Variants in PKHD1L1 observed in about 807,000 individuals in gnomAD.
The protein encoded by PKHD1L1 is PKHD1 like 1.
PKHD1L1 carries 434 observed loss-of-function variants against 462.9 expected under a neutral mutation model. The ratio of observed to expected loss-of-function variants is 0.94; its 90% CI spans 0.87 to 1.02. PKHD1L1 has a LOEUF of 1.02. Ranked by LOEUF, PKHD1L1 falls within the 50% of genes least tolerant of loss-of-function variation. The pLI, the probability that PKHD1L1 is intolerant of heterozygous loss-of-function variation, is 0.00. For missense variants in PKHD1L1, 5,202 were observed against 5,096.1 expected (o/e 1.02, Z -0.63); for synonymous variants, 1,781 against 1,750.0 (o/e 1.02, Z -0.44).
rs898094512 is a variant in PKHD1L1 at position 109,439,059 on chromosome 8, T to C, written c.3923T>C (p.Val1308Ala). The C allele has an allele frequency of 6.2e-7, 1 of 1,613,270 alleles. No homozygotes were observed. The highest frequency in any genetic ancestry group is 8.5e-7 in the Non-Finnish European group (1 of 1,179,574). The change falls in exon 32 of 78, where the codon GTA becomes GCA. Residue 1308 changes from valine to alanine, a missense_variant. Around this residue, in one of 3 missense-constraint regions of PKHD1L1, gnomAD observed 4,497 missense variants for 4,336.8 expected, o/e 1.04. Transcript: ENST00000378402. ...KLSPGKHDIY[V>A]EVRNWGFAST... ...TCTCCTGGAAAACATGATATCTATGTAGAAGTCAGAAACTGGGGTTTTGCA... is the reference window on the plus strand; with the variant it reads ...TCTCCTGGAAAACATGATATCTATGCAGAAGTCAGAAACTGGGGTTTTGCA...
intron 54 of PKHD1L1, 47 bp from the exon 55 acceptor site, chr8:109,479,944 T>C (rs750464787): frequency 1.3e-6 from 2 of 1,482,622 alleles, no homozygotes; most frequent in East Asian, 2.5e-5. Flanking sequence ...TTGCTATAAG[T>C]TGTAGTTTAT....
At chr8:109,430,261 T>C (rs1330914964) in intron 27 of PKHD1L1, among the ~76,000 whole-genome samples, 1 of 152,230 alleles carries the variant, frequency 6.6e-6, no homozygotes, top group Non-Finnish European at 1.5e-5. Context: ...GCTGAAATCT[T>C]GCCTTTGAAG....
rs533345355 is a variant in PKHD1L1, at chr8:109,408,109, C to T, written c.1874C>T (p.Thr625Ile). The change falls in exon 18 of 78, where the codon ACA becomes ATA. Residue 625 changes from threonine (T) to isoleucine (I), a missense_variant. By Grantham distance (89) the Thr-to-Ile change is moderately conservative (BLOSUM62 -1). This residue lies in a region of PKHD1L1 where 4,497 missense variants were observed against 4,336.8 expected (regional missense o/e 1.04). Coordinates refer to ENST00000378402, the MANE Select transcript of PKHD1L1 (RefSeq NM_177531.6). ...VEGNNVTLDI[T>I]EQTKGKPNLE... ...GGGAATAATGTCACACTGGATATTA[C>T]AGAACAAACCAAAGGAAAACCCAAC... is the stretch of plus-strand genomic sequence containing the variant. 1 of 1,613,300 alleles carries T rather than the reference C, an allele frequency of 6.2e-7. No individual in the cohort carries two copies. Among genetic ancestry groups the T allele is most frequent in the South Asian group, 1.1e-5 (1 of 91,044 alleles).
Position 109,507,904 on chromosome 8 carries a change from G to A in PKHD1L1, c.11227+9G>A. 4 of 1,612,684 alleles carry A rather than the reference G, an allele frequency of 2.5e-6. No individual in the cohort carries two copies. Among genetic ancestry groups the A allele is most frequent in the Admixed American group, 1.7e-5 (1 of 59,890 alleles). On this transcript the variant is annotated intron_variant, in intron 69 of 77. Coordinates refer to ENST00000378402, the MANE Select transcript of PKHD1L1 (RefSeq NM_177531.6). ...GAAAGCACCTCATAAAGGTTTGTTG[G>A]ATCTTGCTTAATCTGTCATTAGGCC...
chr8:109,472,330 C>CT (rs1817763352), intron 50 of PKHD1L1, among the ~76,000 whole-genome samples: 2 of 152,020 alleles, frequency 1.3e-5, no homozygotes, highest in African/African-American at 4.8e-5. Flanking sequence ...TTTCAAATCT[C>CT]TAAGCTTTCT....
intron 49 of PKHD1L1, among the ~76,000 whole-genome samples, chr8:109,465,838 AT>A (rs994344626): frequency 2.0e-5 from 3 of 152,166 alleles, no homozygotes; most frequent in African/African-American, 7.2e-5. Flanking sequence ...TGTAGGTTAA[AT>A]TTTTTTAGCA....
rs1813465016 is a variant in PKHD1L1, at chr8:109,405,069, T to G, written c.1608T>G (p.Cys536Trp). ...AGAAGATCAAGGTAACCAGCCCATGTGTGGAAGCTAATTCATGTTCACTTT... is the reference window on the plus strand; with the variant it reads ...AGAAGATCAAGGTAACCAGCCCATGGGTGGAAGCTAATTCATGTTCACTTT... ...EVQKIKVTSP[C>W]VEANSCSLYQ... The change falls in exon 16 of 78, where the codon TGT becomes TGG. Residue 536 changes from cysteine (C) to tryptophan (W), a missense_variant. Coordinates refer to ENST00000378402, the MANE Select transcript of PKHD1L1 (RefSeq NM_177531.6). The G allele has an allele frequency of 1.3e-6, 2 of 1,526,218 alleles. No individual in the cohort carries two copies. The highest frequency in any genetic ancestry group is 1.4e-5 in the African/African-American group (1 of 72,444). The allele number at this position is 1,526,218 out of a possible 1,614,324, so 94.5% of individuals were successfully genotyped here.
chr8:109,394,582 T>C (rs1812876111), intron 10 of PKHD1L1, 97 bp downstream of exon 10: 1 of 738,454 alleles, frequency 1.4e-6, no homozygotes. Context: ...AGGTGTATTA[T>C]ATTATTTGAT....
chr8:109,433,643 A>T (rs915818336), intron 28 of PKHD1L1, among the ~76,000 whole-genome samples: 1 of 152,162 alleles, frequency 6.6e-6, no homozygotes, highest in Non-Finnish European at 1.5e-5. Flanking sequence ...ACCTCTCTCC[A>T]TTAATGTAGA....
chr8:109,415,010 A>T (rs965875318), intron 21 of PKHD1L1, among the ~76,000 whole-genome samples: 111 of 117,358 alleles, frequency 9.5e-4, no homozygotes, highest in African/African-American at 2.4e-3. Context: ...TATTATTATT[A>T]TTTTTGAGAC....
At chr8:109,523,457 A>G in intron 76 of PKHD1L1, 71 bp downstream of exon 76, 2 of 1,402,100 alleles carry the variant, frequency 1.4e-6, no homozygotes, top group East Asian at 4.6e-5. Context: ...CTTTTAATGA[A>G]CAAAGCATTC....
In PKHD1L1 at chr8:109,450,992, G is replaced by T. The variant is rs368757204; in HGVS notation, c.6193G>T (p.Ala2065Ser). 5.8e-5 allele frequency: 93 copies of T among 1,610,304 alleles called. 1 individual carries two copies. The African/African-American group carries it at 1.2e-3, about 21-fold the overall frequency. Residue 2065 changes from alanine to serine, a missense_variant, in exon 41 of 78, where the codon GCC becomes TCC. Ala to Ser is a moderately conservative substitution (Grantham distance 99, BLOSUM62 1). Transcript: ENST00000378402. The part of the protein sequence containing the change: ...PSNNGTGAEQ[A>S]CEVSVVNGKD... ...TTTCATAGGCACGGGAGCTGAGCAAGCCTGTGAAGTGAGTGTGGTTAATGG... is the reference window on the plus strand; with the variant it reads ...TTTCATAGGCACGGGAGCTGAGCAATCCTGTGAAGTGAGTGTGGTTAATGG...
In PKHD1L1 at chr8:109,400,272, T is replaced by A; in HGVS notation, c.1209T>A (p.Val403=). ...SGFLVAPDSD[V]YRFYIKGDDR... is the part of the protein sequence containing the mutation. The stretch of plus-strand genomic sequence containing the variant: ...TTTTGGTGGCTCCAGATTCTGATGT[T>A]TATAGATTCTACATCAAGGGTGATG... Residue 403 remains valine, a synonymous_variant, in exon 13 of 78, where the codon GTT becomes GTA. Coordinates refer to ENST00000378402, the MANE Select transcript of PKHD1L1 (RefSeq NM_177531.6). 6.2e-7 allele frequency: 1 copy of A among 1,613,604 alleles called. No homozygotes were observed.
chr8:109,380,479 C>A (rs1269614944), intron 2 of PKHD1L1, among the ~76,000 whole-genome samples: 1 of 152,164 alleles, frequency 6.6e-6, no homozygotes, highest in Non-Finnish European at 1.5e-5. Context: ...AACACCATGT[C>A]TTTGTCAGTT....
Position 109,466,574 on chromosome 8 carries a change from C to T in PKHD1L1, c.8414-4C>T. 6.4e-7 allele frequency: 1 copy of T among 1,563,896 alleles called. No homozygotes were observed. Among genetic ancestry groups the T allele is most frequent in the East Asian group, 2.3e-5 (1 of 43,704 alleles). ...AAAACATATTTTGTTTGTTTGTTTC[C>T]CAGGGCACAAAGGACATACCGTCAT... On this transcript the variant is annotated splice_region_variant and splice_polypyrimidine_tract_variant and intron_variant, in intron 49 of 77. Transcript: ENST00000378402.
In PKHD1L1 at chr8:109,491,873, G is replaced by A. The variant is rs768761759; in HGVS notation, c.10115G>A (p.Gly3372Asp). 11 of 1,592,966 alleles carry A rather than the reference G, an allele frequency of 6.9e-6. No individual in the cohort carries two copies. In the African/African-American group the frequency reaches 1.5e-4, roughly 21 times the overall value. The change falls in exon 62 of 78, where the codon GGC becomes GAC. Residue 3372 changes from glycine (G) to aspartate (D), a missense_variant and splice_region_variant. By Grantham distance (94) the Gly-to-Asp change is moderately conservative. Around this residue, in one of 3 missense-constraint regions of PKHD1L1, gnomAD observed 4,497 missense variants for 4,336.8 expected, o/e 1.04. Transcript: ENST00000378402. ...DNIIHFTVGE[G>D]IRIWGNANRV... Reference sequence around the variant, plus strand: ...TTTCTTTTTTTCTTTTTTTAAACAGGCATAAGAATATGGGGGAATGCCAAC... The same window carrying A: ...TTTCTTTTTTTCTTTTTTTAAACAGACATAAGAATATGGGGGAATGCCAAC...
At position 109,443,779 on chromosome 8, in the gene PKHD1L1, G is replaced by T. The variant is rs1243967471; in HGVS notation, c.4668G>T (p.Leu1556Phe). The stretch of plus-strand genomic sequence containing the variant: ...CCAGGGTTAAAAATTCAAAAAGATT[G>T]CTATTTGAGGTTTCAAGTTGTTTTT... ...NNTRVKNSKR[L>F]LFEVSSCFSP... Residue 1556 changes from leucine to phenylalanine, a missense_variant, in exon 37 of 78, where the codon TTG becomes TTT. Leu to Phe is a conservative substitution (Grantham distance 22). Transcript: ENST00000378402. 1.2e-6 allele frequency: 2 copies of T among 1,613,808 alleles called. No individual in the cohort carries two copies. The highest frequency in any genetic ancestry group is 1.7e-5 in the Admixed American group (1 of 60,004).
chr8:109,516,926 C>T (rs1420857509), intron 72 of PKHD1L1, among the ~76,000 whole-genome samples: 1 of 152,074 alleles, frequency 6.6e-6, no homozygotes, highest in East Asian at 1.9e-4. Context: ...CTTCTTATCA[C>T]ATTTCATTGT....
At chr8:109,365,230 T>C in intron 2 of PKHD1L1, among the ~76,000 whole-genome samples, 1 of 152,198 alleles carries the variant, frequency 6.6e-6, no homozygotes, top group East Asian at 1.9e-4. Context: ...TATGTGTTTC[T>C]TTCAGCCATA....
Sources: allele counts gnomAD v4.1 joint callset (sites outside exome capture counted in the v4.1 genomes callset), GRCh38; gene constraint gnomAD v4.1.1; regional missense constraint gnomAD v4.1.1; transcripts MANE v1.5; gene names NCBI Gene and HGNC (gene_info 2026-07-23, HGNC 2026-07-21).